FHOD1: variants seen among roughly 807,000 people sequenced by gnomAD.
FHOD1 encodes formin homology 2 domain containing 1.
Under a neutral mutation model 111.6 loss-of-function variants are expected in FHOD1, and 89 were observed. The observed-to-expected ratio is 0.80, with a 90% confidence interval of 0.67 to 0.95. The LOEUF is 0.95. FHOD1 is among the 40% of genes least tolerant of loss of function. The pLI, the probability that FHOD1 is intolerant of heterozygous loss-of-function variation, is 0.00. For missense variants in FHOD1, 1,446 were observed against 1,554.2 expected (o/e 0.93, Z 1.17); for synonymous variants, 618 against 639.0 (o/e 0.97, Z 0.50).
Position 67,247,319 on chromosome 16 carries a change from CA to C in FHOD1, c.91del (p.Cys31ValfsTer80). The C allele has an allele frequency of 6.2e-7, 1 of 1,613,636 alleles. No homozygotes were observed. Among genetic ancestry groups the C allele is most frequent in the Non-Finnish European group, 8.5e-7 (1 of 1,179,826 alleles). On this transcript the variant is annotated frameshift_variant, in exon 1 of 22. Coordinates refer to ENST00000258201, the MANE Select transcript of FHOD1 (RefSeq NM_013241.3). LOFTEE classifies it high-confidence loss of function. ...QYLEDTDPFACANFPEPRRAP... is the reference protein window; with the variant it reads ...QYLEDTDPFAXANFPEPRRAP... The stretch of plus-strand genomic sequence containing the variant: ...CCGGCGCGGCTCCGGAAAGTTGGCA[CA>C]TGCGAAGGGGTCGGTGTCTTCCAGG...
Position 67,229,802 on chromosome 16 carries a change from G to A in FHOD1, c.3403C>T (p.Arg1135Cys), listed in dbSNP as rs770847586. 5.0e-6 allele frequency: 8 copies of A among 1,614,190 alleles called. No individual in the cohort carries two copies. Among genetic ancestry groups the A allele is most frequent in the East Asian group, 2.2e-5 (1 of 44,886 alleles). ...ARERKRSRGN[R>C]KSLRRTLKSG... ...GTGGGGGGTTACTTACAAGACTTGC[G>A]GTTGCCGCGGGAACGCTTGCGTTCC... The change falls in exon 21 of 22, where the codon CGC (arginine) becomes TGC (cysteine). Residue 1135 changes from arginine to cysteine, a missense_variant. Transcript: ENST00000258201.
In FHOD1 at chr16:67,232,106, G is replaced by A. The variant is rs1366599306; in HGVS notation, c.2135C>T (p.Pro712Leu). The change falls in exon 14 of 22, where the codon CCT (proline) becomes CTT (leucine). Residue 712 changes from proline (P) to leucine (L), a missense_variant. Transcript: ENST00000258201. ...CAGAGCAGCCTTAATGACATGCACA[G>A]GTGGCAGTGTGGTTAGGCCGATGTT... ...AINIGLTTLP[P>L]VHVIKAALLN... 4 of 1,614,234 alleles carry A rather than the reference G, an allele frequency of 2.5e-6. No individual in the cohort carries two copies. The South Asian group carries it at 4.4e-5, about 18-fold the overall frequency.
intron 11 of FHOD1, 136 bp from the exon 12 acceptor site, chr16:67,234,608 A>C (rs1229206883): frequency 2.9e-6 from 2 of 700,242 alleles, no homozygotes; most frequent in African/African-American, 1.8e-5. Context: ...CGCTGAGCAG[A>C]CCAGAACCAC....
chr16:67,238,443 C>G lies in FHOD1; in HGVS notation c.378G>C (p.Lys126Asn). 6.2e-7 allele frequency: 1 copy of G among 1,613,620 alleles called. No homozygotes were observed. The change falls in exon 4 of 22, where the codon AAG (lysine) becomes AAC (asparagine). Residue 126 changes from lysine to asparagine, a missense_variant. Transcript: ENST00000258201. This position sits in a 1 kb window ranked among gnomAD's most constrained non-coding sequence, Gnocchi z 4.2. ...LSVRVNAILE[K>N]LYSSSGPELR... ...GCTCAGGACCACTGGAGCTATACAGCTTTTCTGCAAAAGGTAGGGTATAAA... is the reference window on the plus strand; with the variant it reads ...GCTCAGGACCACTGGAGCTATACAGGTTTTCTGCAAAAGGTAGGGTATAAA...
At position 67,230,058 on chromosome 16, in the gene FHOD1, G is replaced by T; in HGVS notation, c.3214+8C>A. On this transcript the variant is annotated splice_region_variant and intron_variant, in intron 20 of 21. Transcript: ENST00000258201. ...GAGCCCATTCCCCACAGCTGCTATGGGCCTCACCTCTGCTGCGGCGATTGT... is the reference window on the plus strand; with the variant it reads ...GAGCCCATTCCCCACAGCTGCTATGTGCCTCACCTCTGCTGCGGCGATTGT... 1 of 1,613,824 alleles carries T rather than the reference G, an allele frequency of 6.2e-7. No individual in the cohort carries two copies. Among genetic ancestry groups the T allele is most frequent in the Non-Finnish European group, 8.5e-7 (1 of 1,179,790 alleles).
Position 67,234,100 on chromosome 16 carries a change from G to A in FHOD1, c.1603C>T (p.Arg535Cys), listed in dbSNP as rs1342746927. 23 of 1,597,304 alleles carry A rather than the reference G, an allele frequency of 1.4e-5. No individual in the cohort carries two copies. The East Asian group carries it at 3.1e-4, about 22-fold the overall frequency. Residue 535 changes from arginine to cysteine, a missense_variant, in exon 13 of 22, where the codon CGT becomes TGT. Transcript: ENST00000258201. ...TCCCCAATAGAGAGCCTGGGTGCAC[G>A]GGTAGGGAGCTCCCAGATGGGCTCA... ...KAEPIWELPTRAPRLSIGDLD... is the reference protein window; with the variant it reads ...KAEPIWELPTCAPRLSIGDLD...
chr16:67,244,236 T>C (rs937395026), intron 1 of FHOD1, among the ~76,000 whole-genome samples: 17 of 152,118 alleles, frequency 1.1e-4, no homozygotes, highest in Non-Finnish European at 1.8e-4. Flanking sequence ...GTCAGTGCTA[T>C]ACCAGGTGTG....
chr16:67,237,155 G>A lies in FHOD1; in HGVS notation c.994-41C>T, dbSNP rs1044786997. On this transcript the variant is annotated intron_variant, in intron 9 of 21. Coordinates refer to ENST00000258201, the MANE Select transcript of FHOD1 (RefSeq NM_013241.3). The surrounding 1 kb of genome is among the most constrained non-coding windows in gnomAD (Gnocchi z 5.6). ...CAGGATGTAAGAAAGTGGTTAACGT[G>A]TATGCAGGTGGGGTGGGGCGCTGGG... 1 of 1,602,170 alleles carries A rather than the reference G, an allele frequency of 6.2e-7. No individual in the cohort carries two copies. The highest frequency in any genetic ancestry group is 8.5e-7 in the Non-Finnish European group (1 of 1,172,650).
Position 67,237,936 on chromosome 16 carries a change from A to G in FHOD1, c.642+98T>C. The G allele has an allele frequency of 7.1e-7, 1 of 1,404,986 alleles. No individual in the cohort carries two copies. Among genetic ancestry groups the G allele is most frequent in the East Asian group, 2.3e-5 (1 of 43,780 alleles). The allele number at this position is 1,404,986 out of a possible 1,614,324, so 87.0% of individuals were successfully genotyped here. A position where few individuals can be genotyped will look rare whatever the true frequency, so the allele number is the denominator to read the frequency against. On this transcript the variant is annotated intron_variant, in intron 6 of 21. Transcript: ENST00000258201. The surrounding 1 kb of genome is among the most constrained non-coding windows in gnomAD (Gnocchi z 5.6). ...TGCCTTATAGGCTTACAGAGGCCTC[A>G]GACTCACTCCCTTCCAGCTCACTTT...
At chr16:67,242,902 T>A (rs1430643248) in intron 1 of FHOD1, among the ~76,000 whole-genome samples, 3 of 151,810 alleles carry the variant, frequency 2.0e-5, no homozygotes, top group Non-Finnish European at 4.4e-5. Flanking sequence ...CTATGTATAA[T>A]ATATAGATAT....
At chr16:67,234,789 A>AG in intron 11 of FHOD1, 1 of 316,690 alleles carries the variant, frequency 3.2e-6, no homozygotes, top group Non-Finnish European at 6.0e-6. Context: ...TTTTAGAGAC[A>AG]GGGTCTCACT....
At position 67,231,615 on chromosome 16, in the gene FHOD1, T is replaced by TCCCACTCCAAGACCCAGGTA; in HGVS notation, c.2385+2_2385+21dup. The TCCCACTCCAAGACCCAGGTA allele has an allele frequency of 6.2e-7, 1 of 1,614,052 alleles. No homozygotes were observed. The highest frequency in any genetic ancestry group is 1.1e-5 in the South Asian group (1 of 91,092). On this transcript the variant is annotated intron_variant, in intron 15 of 21. Coordinates refer to ENST00000258201, the MANE Select transcript of FHOD1 (RefSeq NM_013241.3). This position sits in a 1 kb window ranked among gnomAD's most constrained non-coding sequence, Gnocchi z 4.3. Reference sequence around the variant, plus strand: ...GATGCTTACCTGTCCCTACTGACTGTCCCACTCCAAGACCCAGGTACCCGC... The same window carrying TCCCACTCCAAGACCCAGGTA: ...GATGCTTACCTGTCCCTACTGACTGTCCCACTCCAAGACCCAGGTACCCACTCCAAGACCCAGGTACCCGC...
At chr16:67,234,626 C>A (rs7342763) in intron 11 of FHOD1, 154 bp from the exon 12 acceptor site, 35 of 613,970 alleles carry the variant, frequency 5.7e-5, no homozygotes, top group East Asian at 2.8e-4. Context: ...CACACCCCCC[C>A]CAAGGCCAGC....
chr16:67,229,702 C>G lies in FHOD1; in HGVS notation c.3429G>C (p.Lys1143Asn). The G allele has an allele frequency of 6.2e-7, 1 of 1,610,534 alleles. No homozygotes were observed. The highest frequency in any genetic ancestry group is 8.5e-7 in the Non-Finnish European group (1 of 1,178,198). Residue 1143 changes from lysine (K) to asparagine (N), a missense_variant, in exon 22 of 22, where the codon AAG becomes AAC. By Grantham distance (94) the Lys-to-Asn change is moderately conservative. Coordinates refer to ENST00000258201, the MANE Select transcript of FHOD1 (RefSeq NM_013241.3). ...GCACCAGGTCATCTCCGAGCCCACTCTTCAACGTCCTTCTCACTGCAGGGA... is the reference window on the plus strand; with the variant it reads ...GCACCAGGTCATCTCCGAGCCCACTGTTCAACGTCCTTCTCACTGCAGGGA... ...GNRKSLRRTL[K>N]SGLGDDLVQA...
rs1444543599 is a variant in FHOD1, at chr16:67,230,618, G to T, written c.2841C>A (p.His947Gln). ...GCCCCTACCTATTGCAGACACGGCG[G>T]TGCACTATCCTTAGCATGGCAACAC... ...ARRVAMLRIV[H>Q]RRVCNRFHAF... Residue 947 changes from histidine (H) to glutamine (Q), a missense_variant, in exon 18 of 22, where the codon CAC becomes CAA. Transcript: ENST00000258201. The T allele has an allele frequency of 2.5e-6, 4 of 1,613,994 alleles. No homozygotes were observed. In the African/African-American group the frequency reaches 4.0e-5, roughly 16 times the overall value.
chr16:67,230,377 C>T lies in FHOD1; in HGVS notation c.2988G>A (p.Gln996=), dbSNP rs755368508. Residue 996 remains glutamine, a synonymous_variant, in exon 19 of 22, where the codon CAG becomes CAA. Transcript: ENST00000258201. ...GGTATGTGGCCTGCTTCTGCTGCTG[C>T]TGTAGCACTCGTTCCCGGCAAGTCC... ...EYRTCRERVL[Q]QQQKQATYRE... 1.2e-6 allele frequency: 2 copies of T among 1,614,252 alleles called. No individual in the cohort carries two copies. The highest frequency in any genetic ancestry group is 2.2e-5 in the South Asian group (2 of 91,090).
chr16:67,231,506 T>C lies in FHOD1; in HGVS notation c.2429A>G (p.Gln810Arg). The C allele has an allele frequency of 6.2e-7, 1 of 1,614,168 alleles. No homozygotes were observed. The highest frequency in any genetic ancestry group is 1.1e-5 in the South Asian group (1 of 91,080). Residue 810 changes from glutamine (Q) to arginine (R), a missense_variant, in exon 16 of 22, where the codon CAG (glutamine) becomes CGG (arginine). Transcript: ENST00000258201. This position sits in a 1 kb window ranked among gnomAD's most constrained non-coding sequence, Gnocchi z 4.3. The stretch of plus-strand genomic sequence containing the variant: ...GCGGAAGGTGGCATTCTGTACCAGC[T>C]GTTCCATACCCACTTTCAGGTCAAA... ...PLFDLKVGME[Q>R]LVQNATFRCI...
chr16:67,232,816 A>T (rs77701732), intron 13 of FHOD1, among the ~76,000 whole-genome samples: 1 of 144,716 alleles, frequency 6.9e-6, no homozygotes, highest in Non-Finnish European at 1.5e-5. Flanking sequence ...ATACCCAACT[A>T]TTTTTTTTTT....
At chr16:67,242,939 G>A (rs1295820115) in intron 1 of FHOD1, among the ~76,000 whole-genome samples, 1 of 150,994 alleles carries the variant, frequency 6.6e-6, no homozygotes, top group Admixed American at 6.6e-5. Flanking sequence ...GATGTCTATA[G>A]ATATTGATAA....
Sources: gnomAD v4.1 joint callset for allele counts (sites outside exome capture counted in the v4.1 genomes callset) on GRCh38, gnomAD v4.1.1 for gene constraint, Gnocchi (gnomAD v3.1) non-coding constraint, MANE v1.5 for transcripts, NCBI Gene and HGNC (gene_info 2026-07-23, HGNC 2026-07-21) for gene names.